Variants in DENND4C observed in about 807,000 individuals in gnomAD.
DENND4C encodes DENN domain containing 4C.
DENND4C carries 108 observed loss-of-function variants against 203.0 expected under a neutral mutation model. The ratio of observed to expected loss-of-function variants is 0.53; its 90% confidence interval spans 0.46 to 0.62. The LOEUF (loss-of-function observed/expected upper bound fraction) is 0.62, where lower values mean the gene tolerates loss of function less well. Ranked by LOEUF, DENND4C falls within the 20% of genes least tolerant of loss-of-function variation. The pLI, the probability that DENND4C is intolerant of heterozygous loss-of-function variation, is 0.00. For missense variants in DENND4C, 2,481 were observed against 2,301.2 expected (o/e 1.08, Z -1.60); for synonymous variants, 871 against 792.4 (o/e 1.10, Z -1.67).
chr9:19,314,201 C>T (rs955414257), intron 10 of DENND4C, among the ~76,000 whole-genome samples: 11 of 152,100 alleles, frequency 7.2e-5, no homozygotes, highest in African/African-American at 2.7e-4. Flanking sequence ...ATGCCTGTAG[C>T]CCCAGCACCT....
rs200869394 is a variant in DENND4C, at chr9:19,328,631, G to GTGTCTGTC, written c.2253+491_2253+498dup. On this transcript the variant is annotated intron_variant, in intron 16 of 32. Transcript: ENST00000434457. ...TCCATCTCAAAAAAAGTCTATATAT[G>GTGTCTGTC]TGTCTGTCTGTCTGTCTGTCTGTCT... Among the ~76,000 whole-genome samples, 809 of 145,730 alleles carry GTGTCTGTC rather than the reference G, an allele frequency of 5.6e-3. 5 individuals carry two copies. Among genetic ancestry groups the GTGTCTGTC allele is most frequent in the African/African-American group, 0.018 (705 of 40,062 alleles).
intron 16 of DENND4C, among the ~76,000 whole-genome samples, chr9:19,329,304 A>C (rs73435144): frequency 6.6e-6 from 1 of 152,210 alleles, no homozygotes; most frequent in African/African-American, 2.4e-5. Flanking sequence ...TCAAGAGTAG[A>C]ACTGCATAAT....
chr9:19,316,688 AAAG>A lies in DENND4C; in HGVS notation c.1661_1663del (p.Lys554del). 10 of 1,614,102 alleles carry A rather than the reference AAAG, an allele frequency of 6.2e-6. No homozygotes were observed. Among genetic ancestry groups the A allele is most frequent in the Non-Finnish European group, 8.5e-6 (10 of 1,179,990 alleles). ...CAATTGAAGCAGATTTCTCCTGGCA[AAAG>A]AAGATGACACAGCTTGAGATGGAAA... is the stretch of plus-strand genomic sequence containing the variant. On this transcript the variant is annotated inframe_deletion, in exon 12 of 33. Coordinates refer to ENST00000434457, the MANE Select transcript of DENND4C (RefSeq NM_001330640.2).
At chr9:19,297,374 A>G (rs1457447206) in intron 6 of DENND4C, among the ~76,000 whole-genome samples, 1 of 152,176 alleles carries the variant, frequency 6.6e-6, no homozygotes, top group Non-Finnish European at 1.5e-5. Flanking sequence ...TGCAACTTTC[A>G]TTTTGTACTC....
rs187509172 is a variant in DENND4C, at chr9:19,248,851, G to A, written c.-18+18018G>A. Among the ~76,000 whole-genome samples, 5 of 150,714 alleles carry A rather than the reference G, an allele frequency of 3.3e-5. No individual in the cohort carries two copies. The East Asian group carries it at 9.9e-4, about 30-fold the overall frequency. ...CTTGCTCAGTCACCTAGGCTGGAGT[G>A]TAGTGGCACGATCTCAGCTCACTGC... On this transcript the variant is annotated intron_variant, in intron 1 of 32. Coordinates refer to ENST00000434457, the MANE Select transcript of DENND4C (RefSeq NM_001330640.2).
chr9:19,246,454 A>G (rs1489037469), intron 1 of DENND4C, among the ~76,000 whole-genome samples: 1 of 152,180 alleles, frequency 6.6e-6, no homozygotes. Context: ...ATTTTTTATA[A>G]TAGAGATGAG....
Position 19,357,117 on chromosome 9 carries a change from A to G in DENND4C, c.4927A>G (p.Ile1643Val). The G allele has an allele frequency of 6.2e-7, 1 of 1,613,918 alleles. No homozygotes were observed. The highest frequency in any genetic ancestry group is 2.2e-5 in the East Asian group (1 of 44,846). Residue 1643 changes from isoleucine to valine, a missense_variant, in exon 27 of 33, where the codon ATC becomes GTC. Ile to Val is a conservative substitution (Grantham distance 29). Coordinates refer to ENST00000434457, the MANE Select transcript of DENND4C (RefSeq NM_001330640.2). ...NFMDFPKHNQIITEETGSAVE... is the reference protein window; with the variant it reads ...NFMDFPKHNQVITEETGSAVE... ...TATGGACTTCCCAAAACATAACCAGATCATAACTGAAGAAACAGGCTCTGC... is the reference window on the plus strand; with the variant it reads ...TATGGACTTCCCAAAACATAACCAGGTCATAACTGAAGAAACAGGCTCTGC...
Position 19,372,149 on chromosome 9 carries a change from G to A in DENND4C, c.5853G>A (p.Lys1951=), listed in dbSNP as rs1467903749. The A allele has an allele frequency of 1.2e-6, 2 of 1,612,716 alleles. No homozygotes were observed. Among genetic ancestry groups the A allele is most frequent in the South Asian group, 1.1e-5 (1 of 90,630 alleles). The change falls in exon 33 of 33, where the codon AAG becomes AAA. Residue 1951 remains lysine (K), a synonymous_variant. Transcript: ENST00000434457. ...GTGCCAGTGTCGAGTGGTGCAGGAA[G>A]TGTTTTGGAGCGCCTCTCATTTAAA... is the stretch of plus-strand genomic sequence containing the variant. ...PPSASVEWCR[K]CFGAPLI is the part of the protein sequence containing the mutation.
At chr9:19,253,148 G>GT (rs767687700) in intron 1 of DENND4C, among the ~76,000 whole-genome samples, 3 of 152,228 alleles carry the variant, frequency 2.0e-5, no homozygotes, top group Non-Finnish European at 4.4e-5. Flanking sequence ...ATGTTTAGAA[G>GT]TTTTTAATTA....
intron 1 of DENND4C, among the ~76,000 whole-genome samples, chr9:19,256,217 T>TG (rs1157180907): frequency 6.6e-6 from 1 of 152,080 alleles, no homozygotes; most frequent in East Asian, 1.9e-4. Flanking sequence ...GAAAGATTCT[T>TG]GGAAAATTCC....
chr9:19,295,696 A>G lies in DENND4C; in HGVS notation c.802-312A>G, dbSNP rs117571836. 1.2e-3 allele frequency among the ~76,000 whole-genome samples: 187 copies of G among 151,956 alleles called. No individual in the cohort carries two copies. The East Asian group carries it at 0.025, about 21-fold the overall frequency. On this transcript the variant is annotated intron_variant, in intron 5 of 32. Transcript: ENST00000434457. ...AAAAAAAAAAAAAAAAGAAAAAGAA[A>G]AATCCACAAAAAACTTAAGTTGAGT...
At chr9:19,268,871 T>C (rs529140637) in intron 1 of DENND4C, among the ~76,000 whole-genome samples, 31 of 152,314 alleles carry the variant, frequency 2.0e-4, no homozygotes, top group South Asian at 1.5e-3. Context: ...CTTTCTTCAT[T>C]CTTGACCTTT....
At chr9:19,277,482 A>G (rs1337278959) in intron 2 of DENND4C, among the ~76,000 whole-genome samples, 2 of 152,168 alleles carry the variant, frequency 1.3e-5, no homozygotes, top group East Asian at 1.9e-4. Flanking sequence ...TTGCTGGTGT[A>G]TAGAAATAGC....
chr9:19,247,766 T>A (rs900222322), intron 1 of DENND4C, among the ~76,000 whole-genome samples: 1 of 152,234 alleles, frequency 6.6e-6, no homozygotes, highest in African/African-American at 2.4e-5. Context: ...AAAAGAATTA[T>A]TGGTTTATTT....
intron 12 of DENND4C, among the ~76,000 whole-genome samples, chr9:19,320,963 C>G (rs1481998058): frequency 6.6e-6 from 1 of 152,204 alleles, no homozygotes; most frequent in Non-Finnish European, 1.5e-5. Flanking sequence ...AGGACCACAG[C>G]ATCAAAGAAA....
At chr9:19,339,237 T>C (rs1359919353) in intron 20 of DENND4C, among the ~76,000 whole-genome samples, 1 of 152,200 alleles carries the variant, frequency 6.6e-6, no homozygotes, top group Admixed American at 6.5e-5. Context: ...AACCACACTT[T>C]GGTTACCAAA....
At position 19,274,403 on chromosome 9, in the gene DENND4C, C is replaced by T. The variant is rs542479711; in HGVS notation, c.-17-1755C>T. ...CTCCGCCTACCGGGTTCAAGCGATTCTCCTGCCTCAGACTCCTGAGTAGCT... is the reference window on the plus strand; with the variant it reads ...CTCCGCCTACCGGGTTCAAGCGATTTTCCTGCCTCAGACTCCTGAGTAGCT... On this transcript the variant is annotated intron_variant, in intron 1 of 32. Transcript: ENST00000434457. Among the ~76,000 whole-genome samples, 205 of 152,136 alleles carry T rather than the reference C, an allele frequency of 1.3e-3. 1 individual carries two copies. Among genetic ancestry groups the T allele is most frequent in the African/African-American group, 4.6e-3 (190 of 41,472 alleles).
chr9:19,254,726 G>A (rs1425901216), intron 1 of DENND4C, among the ~76,000 whole-genome samples: 2 of 152,152 alleles, frequency 1.3e-5, no homozygotes, highest in Admixed American at 6.5e-5. Flanking sequence ...TGTTGATTGT[G>A]TTAATTTGAC....
chr9:19,314,884 G>T (rs762857467), intron 10 of DENND4C, among the ~76,000 whole-genome samples: 1 of 152,070 alleles, frequency 6.6e-6, no homozygotes, highest in South Asian at 2.1e-4. Context: ...GAATCAGGCT[G>T]AGTGCAGTGG....
Sources: gnomAD v4.1 joint callset for allele counts (sites outside exome capture counted in the v4.1 genomes callset) on GRCh38, gnomAD v4.1.1 for gene constraint, MANE v1.5 for transcripts, NCBI Gene and HGNC (gene_info 2026-07-23, HGNC 2026-07-21) for gene names.